The following CDH18 variants were observed in gnomAD, a reference collection of about 807,000 sequenced individuals.
CDH18 encodes cadherin-18.
CDH18 carries 31 observed loss-of-function variants against 67.9 expected under a neutral mutation model. The observed-to-expected ratio is 0.46, with a 90% CI of 0.34 to 0.62. CDH18 has a LOEUF of 0.62. CDH18 is among the 20% of genes least tolerant of loss of function. CDH18 has a pLI of 0.01. For synonymous variants in CDH18, 362 were observed against 347.2 expected (o/e 1.04, Z -0.48); for missense variants, 890 against 975.5 (o/e 0.91, Z 1.17).
intron 1 of CDH18, among the ~76,000 whole-genome samples, chr5:20,495,849 A>T (rs1753876093): frequency 6.6e-6 from 1 of 152,196 alleles, no homozygotes; most frequent in African/African-American, 2.4e-5. Context: ...ATGTAGAAAT[A>T]AGGCACAGTA....
At chr5:20,304,517 G>T in intron 1 of CDH18, 1 of 1,604,570 alleles carries the variant, frequency 6.2e-7, no homozygotes, top group South Asian at 1.1e-5. Flanking sequence ...TGAAGAGACT[G>T]GTTTACTCTG....
At chr5:19,930,905 C>T (rs981880052) in intron 2 of CDH18, among the ~76,000 whole-genome samples, 2 of 151,780 alleles carry the variant, frequency 1.3e-5, no homozygotes, top group Non-Finnish European at 2.9e-5. Flanking sequence ...AAACTCAGTT[C>T]GAAACACAGA....
chr5:20,573,405 C>T (rs1758918492), intron 1 of CDH18, among the ~76,000 whole-genome samples: 1 of 151,290 alleles, frequency 6.6e-6, no homozygotes, highest in Non-Finnish European at 1.5e-5. Flanking sequence ...ACCAGGAGGA[C>T]ACTGAACTGT....
intron 12 of CDH18, among the ~76,000 whole-genome samples, chr5:19,479,420 ATTT>A (rs2126552183): frequency 6.6e-6 from 1 of 152,340 alleles, no homozygotes; most frequent in Non-Finnish European, 1.5e-5. Flanking sequence ...CTTCAACATT[ATTT>A]TAAAATTACA....
intron 2 of CDH18, among the ~76,000 whole-genome samples, chr5:20,221,396 TG>T (rs1322203017): frequency 1.3e-4 from 19 of 151,964 alleles, no homozygotes; most frequent in Admixed American, 1.1e-3. Flanking sequence ...CACTCATGTG[TG>T]GAATCTGAAA....
At chr5:20,135,603 C>T (rs760243680) in intron 2 of CDH18, among the ~76,000 whole-genome samples, 2 of 152,078 alleles carry the variant, frequency 1.3e-5, no homozygotes, top group Non-Finnish European at 2.9e-5. Flanking sequence ...CAGTTCAGCT[C>T]TGATCATAGT....
intron 1 of CDH18, among the ~76,000 whole-genome samples, chr5:20,468,311 C>T (rs6888290): frequency 0.38 from 58,509 of 152,100 alleles, 13,553 homozygotes; most frequent in Non-Finnish European, 0.52. Context: ...CTGCCACGCC[C>T]AGCCTACTTA....
intron 5 of CDH18, among the ~76,000 whole-genome samples, chr5:19,703,561 T>C (rs922832722): frequency 4.6e-5 from 7 of 152,110 alleles, no homozygotes; most frequent in Non-Finnish European, 7.4e-5. Flanking sequence ...CAGATCTTTC[T>C]TTTGTGGAGG....
intron 1 of CDH18, among the ~76,000 whole-genome samples, chr5:20,540,139 C>T (rs1221970750): frequency 6.6e-6 from 1 of 152,116 alleles, no homozygotes; most frequent in Non-Finnish European, 1.5e-5. Context: ...CTTAGAGAGG[C>T]TACAAATGCC....
At chr5:20,414,640 C>T (rs1747122202) in intron 1 of CDH18, among the ~76,000 whole-genome samples, 1 of 152,120 alleles carries the variant, frequency 6.6e-6, no homozygotes, top group African/African-American at 2.4e-5. Context: ...TGCCAATTAC[C>T]TAACTACTTG....
intron 1 of CDH18, among the ~76,000 whole-genome samples, chr5:20,555,417 T>C (rs1033164607): frequency 0.014 from 117 of 8,188 alleles, 2 homozygotes; most frequent in African/African-American, 0.021. Flanking sequence ...TCTTTTTTTT[T>C]TTTTTTTTTT....
At chr5:19,696,541 A>T (rs553767391) in intron 5 of CDH18, among the ~76,000 whole-genome samples, 1 of 151,920 alleles carries the variant, frequency 6.6e-6, no homozygotes, top group African/African-American at 2.4e-5. Flanking sequence ...ATCTTAAAAA[A>T]AAAAAAAGAG....
intron 1 of CDH18, among the ~76,000 whole-genome samples, chr5:20,391,871 T>C (rs1321291700): frequency 6.6e-6 from 1 of 152,008 alleles, no homozygotes; most frequent in African/African-American, 2.4e-5. Flanking sequence ...ATAATGATTA[T>C]TTTTTGAAGC....
At chr5:20,135,370 A>T (rs574276519) in intron 2 of CDH18, among the ~76,000 whole-genome samples, 31 of 152,044 alleles carry the variant, frequency 2.0e-4, no homozygotes, top group Admixed American at 1.6e-3. Flanking sequence ...TTTCTAGTTG[A>T]TTTGCATAGA....
At chr5:19,605,003 AT>A in intron 6 of CDH18, among the ~76,000 whole-genome samples, 1 of 152,018 alleles carries the variant, frequency 6.6e-6, no homozygotes, top group East Asian at 1.9e-4. Context: ...GTGCAAATTG[AT>A]TTGTAATGCC....
At chr5:19,777,670 A>G (rs1774558380) in intron 3 of CDH18, among the ~76,000 whole-genome samples, 1 of 152,222 alleles carries the variant, frequency 6.6e-6, no homozygotes, top group Non-Finnish European at 1.5e-5. Context: ...AAGTAGGTAA[A>G]GAATTGCCAA....
intron 1 of CDH18, among the ~76,000 whole-genome samples, chr5:20,316,587 T>C (rs1031926624): frequency 6.6e-6 from 1 of 152,058 alleles, no homozygotes; most frequent in African/African-American, 2.4e-5. Flanking sequence ...TTGAAAATTA[T>C]ATGGCTTTGT....
chr5:20,515,167 T>C (rs1004327918), intron 1 of CDH18, among the ~76,000 whole-genome samples: 1 of 151,974 alleles, frequency 6.6e-6, no homozygotes, highest in African/African-American at 2.4e-5. Context: ...ATGAACTGAA[T>C]AGGAATTTTT....
At chr5:20,184,491 A>G (rs1009726309) in intron 2 of CDH18, among the ~76,000 whole-genome samples, 4 of 152,114 alleles carry the variant, frequency 2.6e-5, no homozygotes, top group African/African-American at 9.6e-5. Flanking sequence ...GGCAGCTAAA[A>G]CTGTCATTCT....
Sources: allele counts gnomAD v4.1 joint callset (sites outside exome capture counted in the v4.1 genomes callset), GRCh38; gene constraint gnomAD v4.1.1; transcripts MANE v1.5; gene names NCBI Gene and HGNC (gene_info 2026-07-23, HGNC 2026-07-21).